ZNF730: variants seen among roughly 807,000 people sequenced by gnomAD.
ZNF730 encodes the protein putative zinc finger protein 730.
ZNF730 carries 12 observed loss-of-function variants against 12.6 expected under a neutral mutation model. The observed-to-expected ratio is 0.95, with a 90% confidence interval of 0.61 to 1.54. The LOEUF is 1.54. ZNF730 is among the 40% of genes most tolerant of loss of function. The probability of loss-of-function intolerance (pLI) is 0.00; values close to 1 mark genes in which losing one functional copy is unlikely to be tolerated. For missense variants in ZNF730, 643 were observed against 583.5 expected (o/e 1.10, Z -1.05); for synonymous variants, 194 against 195.8 (o/e 0.99, Z 0.08).
intron 1 of ZNF730, among the ~76,000 whole-genome samples, chr19:23,118,402 A>G (rs1440569903): frequency 6.8e-6 from 1 of 147,030 alleles, no homozygotes; most frequent in Non-Finnish European, 1.5e-5. Flanking sequence ...TTATGGGATG[A>G]TGTATTCTCA....
At chr19:23,135,584 C>T (rs866772892) in intron 2 of ZNF730, among the ~76,000 whole-genome samples, 10 of 152,016 alleles carry the variant, frequency 6.6e-5, no homozygotes, top group Non-Finnish European at 1.2e-4. Flanking sequence ...AATGTCGGCT[C>T]ACTGCAACCT....
Position 23,117,133 on chromosome 19 carries a change from G to C in ZNF730, c.-41G>C. ...GCCCTGCGACCTGCGGGTATTGGGAGATCCACAGCTAAGACGCCAGGGCCC... is the reference window on the plus strand; with the variant it reads ...GCCCTGCGACCTGCGGGTATTGGGACATCCACAGCTAAGACGCCAGGGCCC... On this transcript the variant is annotated 5_prime_UTR_variant, in exon 1 of 4. Coordinates refer to ENST00000597761, the MANE Select transcript of ZNF730 (RefSeq NM_001277403.2). 6.2e-7 allele frequency: 1 copy of C among 1,613,718 alleles called. No homozygotes were observed.
At chr19:23,116,940 TTATCCAATCGGGGACACTGGGCGGGGGG>T, upstream of ZNF730, 2 of 104,182 alleles carry the variant, frequency 1.9e-5, no homozygotes, top group Non-Finnish European at 3.4e-5. Context: ...GCCTTAAACG[TTATCCAATCGGGGACACTGGGCGGGGGG>T]CCGTCCAATC....
At chr19:23,112,014 T>C (rs980497201) in intron 1 of ZNF730, among the ~76,000 whole-genome samples, 1 of 126,414 alleles carries the variant, frequency 7.9e-6, no homozygotes, top group South Asian at 2.5e-4. Flanking sequence ...GAAGAAAGCC[T>C]TAATAGTCTA....
chr19:23,136,190 A>G (rs573562519), intron 3 of ZNF730, 147 bp downstream of exon 3: 2 of 565,438 alleles, frequency 3.5e-6, no homozygotes, highest in Non-Finnish European at 5.2e-6. Context: ...CTTTTTATTT[A>G]TTTTTTTTCC....
rs867523030 is a variant in ZNF730 at position 23,138,296 on chromosome 19, A to G, written c.226+2253A>G. Among the ~76,000 whole-genome samples the G allele has an allele frequency of 3.4e-3, 519 of 150,916 alleles. 189 individuals carry two copies. The highest frequency in any genetic ancestry group is 0.011 in the African/African-American group (446 of 40,852). ...AGACTCCGTCTCAAAAAAAAAAAAA[A>G]AAAAAAAGAAAATGGCTTTCACTGG... On this transcript the variant is annotated intron_variant, in intron 3 of 3. Coordinates refer to ENST00000597761, the MANE Select transcript of ZNF730 (RefSeq NM_001277403.2).
chr19:23,117,307 C>A (rs566172083), intron 1 of ZNF730, 131 bp downstream of exon 1: 2 of 1,538,912 alleles, frequency 1.3e-6, no homozygotes, highest in Non-Finnish European at 1.8e-6. Context: ...TTGCCCAGCT[C>A]GGCCTCAGTC....
intron 1 of ZNF730, among the ~76,000 whole-genome samples, chr19:23,096,315 C>G (rs1970251251): frequency 6.6e-6 from 1 of 152,044 alleles, no homozygotes; most frequent in Non-Finnish European, 1.5e-5. Context: ...GAGGTGACTC[C>G]TCTCCAGCCT....
At chr19:23,102,730 A>T (rs920940222) in intron 1 of ZNF730, among the ~76,000 whole-genome samples, 1 of 151,960 alleles carries the variant, frequency 6.6e-6, no homozygotes, top group Non-Finnish European at 1.5e-5. Context: ...TCCGTACTTC[A>T]AGTGATCTGC....
intron 1 of ZNF730, among the ~76,000 whole-genome samples, chr19:23,106,821 A>G (rs1465706448): frequency 6.6e-6 from 1 of 152,084 alleles, no homozygotes; most frequent in Non-Finnish European, 1.5e-5. Flanking sequence ...GTTGGAATGA[A>G]AGGTCTTAAT....
At chr19:23,087,382 T>C (rs1970081229) in intron 1 of ZNF730, among the ~76,000 whole-genome samples, 1 of 151,928 alleles carries the variant, frequency 6.6e-6, no homozygotes, top group Non-Finnish European at 1.5e-5. Context: ...CACTCCAGCC[T>C]GGGAGACAGA....
chr19:23,126,431 T>A, intron 1 of ZNF730: 1 of 311,608 alleles, frequency 3.2e-6, no homozygotes, highest in Non-Finnish European at 6.5e-6. Context: ...GCTCCATGCT[T>A]CTCAGAAAAA....
At chr19:23,112,649 G>A (rs1323337188), upstream of ZNF730, among the ~76,000 whole-genome samples, 1 of 152,084 alleles carries the variant, frequency 6.6e-6, no homozygotes, top group Non-Finnish European at 1.5e-5. Flanking sequence ...CTTAAACCCG[G>A]GAGGTGGAAG....
intron 1 of ZNF730, among the ~76,000 whole-genome samples, chr19:23,100,696 C>T (rs1317251788): frequency 2.4e-5 from 3 of 122,650 alleles, no homozygotes; most frequent in Admixed American, 9.4e-5. Flanking sequence ...TGCTCTGTCA[C>T]CCAGGCTGGA....
At chr19:23,137,191 G>T (rs1419965883) in intron 3 of ZNF730, among the ~76,000 whole-genome samples, 1 of 151,916 alleles carries the variant, frequency 6.6e-6, no homozygotes, top group Admixed American at 6.6e-5. Flanking sequence ...TTAAAAATAA[G>T]GCACTGCAAC....
chr19:23,136,255 T>A (rs1052438665), intron 3 of ZNF730: 2 of 318,360 alleles, frequency 6.3e-6, no homozygotes, highest in African/African-American at 4.4e-5. Context: ...AAAAATTCTT[T>A]CCCTTTGGTA....
At position 23,082,731 on chromosome 19, in the gene ZNF730, C is replaced by T. The variant is rs149144974; in HGVS notation, c.-94+7344C>T. On this transcript the variant is annotated intron_variant, in intron 1 of 2. Coordinates refer to the ZNF730 transcript ENST00000593635. ...TCATTTTTTTTTTGAGACAAAATCT[C>T]GCTCTTGTTACCCAGGCTGGAGTGC... is the stretch of plus-strand genomic sequence containing the variant. Among the ~76,000 whole-genome samples the T allele has an allele frequency of 1.9e-3, 288 of 150,256 alleles. 2 individuals carry two copies. Among genetic ancestry groups the T allele is most frequent in the African/African-American group, 6.7e-3 (273 of 40,894 alleles).
In ZNF730 at chr19:23,147,108, C is replaced by T. The variant is rs1228341425; in HGVS notation, c.*552C>T. The T allele has an allele frequency of 9.8e-6, 2 of 203,530 alleles. No individual in the cohort carries two copies. The highest frequency in any genetic ancestry group is 2.0e-5 in the Non-Finnish European group (2 of 99,748). 12.6% of individuals were successfully genotyped at this position (203,530 alleles called of 1,614,324 possible). A position where few individuals can be genotyped will look rare whatever the true frequency, so the allele number is the denominator to read the frequency against. ...AATGCTCACACTTTATTGCACAGGACATTTATACTTGAGAATAAATATACA... is the reference window on the plus strand; with the variant it reads ...AATGCTCACACTTTATTGCACAGGATATTTATACTTGAGAATAAATATACA... On this transcript the variant is annotated 3_prime_UTR_variant, in exon 4 of 4. Transcript: ENST00000597761.
At chr19:23,112,311 T>TGG (rs1970469697), upstream of ZNF730, among the ~76,000 whole-genome samples, 1 of 152,234 alleles carries the variant, frequency 6.6e-6, no homozygotes, top group East Asian at 1.9e-4. Context: ...AGTTTGTTTA[T>TGG]GGCTCTACAA....
Sources: allele counts gnomAD v4.1 joint callset (sites outside exome capture counted in the v4.1 genomes callset), GRCh38; gene constraint gnomAD v4.1.1; transcripts MANE v1.5; gene names NCBI Gene and HGNC (gene_info 2026-07-23, HGNC 2026-07-21).